The following CWF19L2 variants were observed in gnomAD, a reference collection of about 807,000 sequenced individuals.
CWF19L2 encodes the protein CWF19 like cell cycle control factor 2.
Under a neutral mutation model 111.7 loss-of-function variants are expected in CWF19L2, and 98 were observed. The ratio of observed to expected loss-of-function variants is 0.88; its 90% confidence interval spans 0.75 to 1.04. CWF19L2 has a LOEUF of 1.04. Ranked by LOEUF, CWF19L2 falls within the 50% of genes least tolerant of loss-of-function variation. CWF19L2 has a pLI of 0.00. For synonymous variants in CWF19L2, 351 were observed against 342.9 expected (o/e 1.02, Z -0.26); for missense variants, 1,101 against 1,051.4 (o/e 1.05, Z -0.65).
At chr11:107,380,633 A>G (rs1860671310) in intron 12 of CWF19L2, among the ~76,000 whole-genome samples, 1 of 152,234 alleles carries the variant, frequency 6.6e-6, no homozygotes, top group Admixed American at 6.5e-5. Flanking sequence ...GTGGGAGTGT[A>G]AAATTGTTCA....
chr11:107,382,727 T>C (rs574383528), intron 12 of CWF19L2, among the ~76,000 whole-genome samples: 1 of 152,348 alleles, frequency 6.6e-6, no homozygotes, highest in East Asian at 1.9e-4. Context: ...TAGCTATTGT[T>C]ACAGTCTTGT....
chr11:107,352,864 T>C (rs146203933), intron 13 of CWF19L2, among the ~76,000 whole-genome samples: 12 of 152,284 alleles, frequency 7.9e-5, no homozygotes, highest in Non-Finnish European at 1.5e-4. Context: ...AAACTAGCAT[T>C]CATTCATTCA....
At chr11:107,378,364 A>G (rs1166986862) in intron 12 of CWF19L2, among the ~76,000 whole-genome samples, 6 of 151,180 alleles carry the variant, frequency 4.0e-5, no homozygotes, top group African/African-American at 1.5e-4. Context: ...CTTGGAACCA[A>G]CCCAAATGTC....
chr11:107,401,144 G>C (rs1446160396), intron 10 of CWF19L2, among the ~76,000 whole-genome samples: 1 of 152,114 alleles, frequency 6.6e-6, no homozygotes, highest in East Asian at 1.9e-4. Flanking sequence ...CATTCTCTCT[G>C]AGAACTGGAG....
chr11:107,397,524 G>A (rs768835778), intron 10 of CWF19L2, among the ~76,000 whole-genome samples: 9 of 151,928 alleles, frequency 5.9e-5, no homozygotes, highest in East Asian at 1.9e-4. Flanking sequence ...ACGCGCCCAC[G>A]GAGAGTCTGA....
chr11:107,332,078 A>G (rs1341072509), intron 16 of CWF19L2, among the ~76,000 whole-genome samples: 1 of 152,188 alleles, frequency 6.6e-6, no homozygotes, highest in Non-Finnish European at 1.5e-5. Flanking sequence ...TTTATTCCAG[A>G]TGTTACTCCT....
At chr11:107,383,048 C>T (rs472626) in intron 12 of CWF19L2, among the ~76,000 whole-genome samples, 81,816 of 152,122 alleles carry the variant, frequency 0.54, 23,073 homozygotes, top group African/African-American at 0.72. Flanking sequence ...CCCCATACCT[C>T]GCCCTACGCG....
intron 8 of CWF19L2, 34 bp from the exon 9 acceptor site, chr11:107,418,321 A>C (rs761958883): frequency 7.3e-7 from 1 of 1,374,564 alleles, no homozygotes; most frequent in Admixed American, 1.7e-5. Context: ...AGCATATGAA[A>C]TATAGGTGCG....
chr11:107,346,361 T>C (rs546867705), intron 14 of CWF19L2, among the ~76,000 whole-genome samples: 4 of 152,178 alleles, frequency 2.6e-5, no homozygotes, highest in Non-Finnish European at 5.9e-5. Context: ...AACAATTGTT[T>C]AAAAGGCAGA....
chr11:107,447,701 G>A (rs1861720270), intron 3 of CWF19L2, among the ~76,000 whole-genome samples: 1 of 152,196 alleles, frequency 6.6e-6, no homozygotes, highest in Non-Finnish European at 1.5e-5. Context: ...AATACTCTCT[G>A]AAGAAGTCAA....
rs1166650650 is a variant in CWF19L2, at chr11:107,457,780, C to T, written c.37G>A (p.Glu13Lys). The change falls in exon 1 of 18, where the codon GAA (glutamate) becomes AAA (lysine). Residue 13 changes from glutamate to lysine, a missense_variant. By Grantham distance (56) the Glu-to-Lys change is moderately conservative (BLOSUM62 1). Coordinates refer to ENST00000282251, the MANE Select transcript of CWF19L2 (RefSeq NM_152434.3). ...TSMAAASGRF[E>K]SAKSIEERKE... is the part of the protein sequence containing the mutation. ...CGCTCTTCGATACTCTTCGCACTTTCAAATCTACCACTAGCAGCCGCCATA... is the reference window on the plus strand; with the variant it reads ...CGCTCTTCGATACTCTTCGCACTTTTAAATCTACCACTAGCAGCCGCCATA... The T allele has an allele frequency of 1.9e-6, 3 of 1,551,626 alleles. No homozygotes were observed. The highest frequency in any genetic ancestry group is 2.6e-6 in the Non-Finnish European group (3 of 1,146,998).
intron 14 of CWF19L2, among the ~76,000 whole-genome samples, chr11:107,346,415 CA>C (rs1214082332): frequency 6.6e-6 from 1 of 152,094 alleles, no homozygotes; most frequent in African/African-American, 2.4e-5. Flanking sequence ...AATGACAAAT[CA>C]GATCACTCCA....
chr11:107,391,277 C>A (rs1213345543), intron 11 of CWF19L2, among the ~76,000 whole-genome samples: 3 of 152,156 alleles, frequency 2.0e-5, no homozygotes, highest in African/African-American at 7.2e-5. Flanking sequence ...AACCCTAATA[C>A]AGTACCTCTA....
At chr11:107,420,105 AGAG>A (rs754776297) in intron 8 of CWF19L2, among the ~76,000 whole-genome samples, 1 of 152,092 alleles carries the variant, frequency 6.6e-6, no homozygotes, top group Non-Finnish European at 1.5e-5. Context: ...AGTAAGAAAA[AGAG>A]GACAAAGTGA....
rs530580259 is a variant in CWF19L2, at chr11:107,338,314, T to C, written c.2203-1601A>G. On this transcript the variant is annotated intron_variant, in intron 14 of 17. Transcript: ENST00000282251. ...TTCCCTTCTTCTACCTTCCCCTTAA[T>C]GTGTTCCTGATTTCTTTAATTCTGA... Among the ~76,000 whole-genome samples, 26 of 152,260 alleles carry C rather than the reference T, an allele frequency of 1.7e-4. No homozygotes were observed. The South Asian group carries it at 1.9e-3, about 11-fold the overall frequency.
rs191774175 is a variant in CWF19L2, at chr11:107,349,236, T to C, written c.2086-183A>G. On this transcript the variant is annotated intron_variant, in intron 13 of 17. Coordinates refer to ENST00000282251, the MANE Select transcript of CWF19L2 (RefSeq NM_152434.3). ...TGTTAATATTTTTAAAGATATTTAG[T>C]ATTTTTAAAGGCATCAGGATAGCTT... Among the ~76,000 whole-genome samples, 27 of 152,338 alleles carry C rather than the reference T, an allele frequency of 1.8e-4. 1 individual carries two copies. Among genetic ancestry groups the C allele is most frequent in the Admixed American group, 1.2e-3 (19 of 15,286 alleles).
At chr11:107,404,582 T>C in intron 10 of CWF19L2, 6 of 615,448 alleles carry the variant, frequency 9.7e-6, no homozygotes, top group South Asian at 1.7e-5. Context: ...AGATGGTCTT[T>C]CCACAGGCAG....
chr11:107,386,661 CTT>C (rs749022802), intron 12 of CWF19L2, among the ~76,000 whole-genome samples: 6 of 152,188 alleles, frequency 3.9e-5, no homozygotes, highest in Non-Finnish European at 7.3e-5. Context: ...GGCTGCACTT[CTT>C]AGTTTTATTT....
intron 14 of CWF19L2, among the ~76,000 whole-genome samples, chr11:107,337,077 C>G (rs1012862851): frequency 6.6e-6 from 1 of 152,126 alleles, no homozygotes; most frequent in African/African-American, 2.4e-5. Flanking sequence ...AAAAGAGATA[C>G]TCTGAGCAGA....
Sources: gnomAD v4.1 joint callset for allele counts (sites outside exome capture counted in the v4.1 genomes callset) on GRCh38, gnomAD v4.1.1 for gene constraint, MANE v1.5 for transcripts, NCBI Gene and HGNC (gene_info 2026-07-23, HGNC 2026-07-21) for gene names.